The following CGB5 variants were observed in gnomAD, a reference collection of about 807,000 sequenced individuals.
The protein encoded by CGB5 is chorionic gonadotropin, beta polypeptide 5.
CGB5 carries 2 observed loss-of-function variants against 7.6 expected under a neutral mutation model. The observed-to-expected ratio is 0.26, with a 90% CI of 0.11 to 0.83. The LOEUF (loss-of-function observed/expected upper bound fraction) is 0.83, where lower values mean the gene tolerates loss of function less well. CGB5 is among the 40% of genes least tolerant of loss of function. The pLI is 0.65. For missense variants in CGB5, 48 were observed against 228.2 expected (o/e 0.21, Z 5.09); for synonymous variants, 25 against 99.8 (o/e 0.25, Z 4.47).
chr19:49,043,994 T>A lies in CGB5; in HGVS notation c.-216T>A, dbSNP rs1321699438. 3.3e-5 allele frequency: 40 copies of A among 1,229,586 alleles called. No individual in the cohort carries two copies. Among genetic ancestry groups the A allele is most frequent in the Non-Finnish European group, 4.2e-5 (38 of 900,374 alleles). The allele number at this position is 1,229,586 out of a possible 1,614,324, so 76.2% of individuals were successfully genotyped here. ...CTGAGTCTCTGAGATCACTTCACCG[T>A]GGTCTCCGCCTCACCCTTGGCGCTG... On this transcript the variant is annotated 5_prime_UTR_variant, in exon 1 of 3. Coordinates refer to ENST00000301408, the MANE Select transcript of CGB5 (RefSeq NM_033043.2).
chr19:49,044,159 C>T lies in CGB5; in HGVS notation c.-51C>T, dbSNP rs1054876301. Reference sequence around the variant, plus strand: ...AACCTCCTGGTGGCCTTGCCGCCCCCACAACCCCGAGGTATAAAGCCAGGT... The same window carrying T: ...AACCTCCTGGTGGCCTTGCCGCCCCTACAACCCCGAGGTATAAAGCCAGGT... On this transcript the variant is annotated 5_prime_UTR_variant, in exon 1 of 3. Coordinates refer to ENST00000301408, the MANE Select transcript of CGB5 (RefSeq NM_033043.2). The T allele has an allele frequency of 2.0e-5, 32 of 1,613,716 alleles. No homozygotes were observed. In the African/African-American group the frequency reaches 4.0e-4, roughly 20 times the overall value.
rs756297627 is a variant in CGB5, at chr19:49,044,231, C to T, written c.15+7C>T. The T allele has an allele frequency of 3.7e-6, 6 of 1,613,348 alleles. No homozygotes were observed. The Admixed American group carries it at 8.3e-5, about 22-fold the overall frequency. On this transcript the variant is annotated splice_region_variant and intron_variant, in intron 1 of 2. Transcript: ENST00000301408. Reference sequence around the variant, plus strand: ...AAGGATGGAGATGTTCCAGGTAAGACTGCAGGGCCCCTGGGCACCTTCCAC... The same window carrying T: ...AAGGATGGAGATGTTCCAGGTAAGATTGCAGGGCCCCTGGGCACCTTCCAC...
chr19:49,044,064 T>G lies in CGB5; in HGVS notation c.-146T>G. On this transcript the variant is annotated 5_prime_UTR_variant, in exon 1 of 3. Coordinates refer to ENST00000301408, the MANE Select transcript of CGB5 (RefSeq NM_033043.2). ...CTGGGGCGCTCCGCTGAGCCACTCC[T>G]GCGCCCCCCTGGCCTTGTCTACCTC... The G allele has an allele frequency of 7.3e-7, 1 of 1,372,492 alleles. No individual in the cohort carries two copies. The highest frequency in any genetic ancestry group is 1.0e-6 in the Non-Finnish European group (1 of 981,484). The allele number at this position is 1,372,492 out of a possible 1,614,324, so 85.0% of individuals were successfully genotyped here.
intron 1 of CGB5, 88 bp from the exon 2 acceptor site, chr19:49,044,489 C>G: frequency 1.4e-6 from 2 of 1,407,564 alleles, no homozygotes; most frequent in Non-Finnish European, 1.9e-6. Context: ...GTCTCTGGGT[C>G]TTTGTGGGTG....
In CGB5 at chr19:49,043,946, G is replaced by C. The variant is rs1477278261; in HGVS notation, c.-264G>C. The C allele has an allele frequency of 4.3e-6, 5 of 1,174,732 alleles. No homozygotes were observed. The East Asian group carries it at 8.0e-5, about 19-fold the overall frequency. 72.8% of individuals were successfully genotyped at this position (1,174,732 alleles called of 1,614,324 possible). A position where few individuals can be genotyped will look rare whatever the true frequency, so the allele number is the denominator to read the frequency against. On this transcript the variant is annotated 5_prime_UTR_variant, in exon 1 of 3. Coordinates refer to ENST00000301408, the MANE Select transcript of CGB5 (RefSeq NM_033043.2). The stretch of plus-strand genomic sequence containing the variant: ...CCCTACTCCCTGTGCCTCCAGGCTC[G>C]ACTAGTCCCTAGCACTCGACGACTG...
Position 49,044,858 on chromosome 19 carries a change from G to A in CGB5, c.183+114G>A, listed in dbSNP as rs952021780. ...GTCAGGGGCTGCGGAATGGGGTGTG[G>A]GAGGGCAGGAACAGAGGGCTTCCCG... On this transcript the variant is annotated intron_variant, in intron 2 of 2. Transcript: ENST00000301408. 31 of 1,458,702 alleles carry A rather than the reference G, an allele frequency of 2.1e-5. 1 individual carries two copies. The African/African-American group carries it at 4.6e-4, about 22-fold the overall frequency. The allele number at this position is 1,458,702 out of a possible 1,614,324, so 90.4% of individuals were successfully genotyped here. A position where few individuals can be genotyped will look rare whatever the true frequency, so the allele number is the denominator to read the frequency against.
chr19:49,044,955 A>T (rs201949109), intron 2 of CGB5, 25 bp from the exon 3 acceptor site: 19,969 of 1,592,340 alleles, frequency 0.013, 375 homozygotes, highest in South Asian at 0.016. Context: ...GCACATGCTC[A>T]TTCCCCCACT....
chr19:49,044,281 G>A (rs1174043370), intron 1 of CGB5, 57 bp downstream of exon 1: 3 of 1,612,180 alleles, frequency 1.9e-6, no homozygotes, highest in African/African-American at 1.3e-5. Flanking sequence ...TCACTGGCAT[G>A]AGAAGGGGCA....
chr19:49,044,471 C>T lies in CGB5; in HGVS notation c.16-106C>T, dbSNP rs1388620386. The T allele has an allele frequency of 1.1e-5, 16 of 1,410,144 alleles. 1 individual carries two copies. The highest frequency in any genetic ancestry group is 2.7e-5 in the Admixed American group (1 of 37,064). The allele number at this position is 1,410,144 out of a possible 1,614,324, so 87.4% of individuals were successfully genotyped here. A position where few individuals can be genotyped will look rare whatever the true frequency, so the allele number is the denominator to read the frequency against. Reference sequence around the variant, plus strand: ...GTGGTGGGTCCTGAATAGGAGATGCCGGGAAGGGTCTCTGGGTCTTTGTGG... The same window carrying T: ...GTGGTGGGTCCTGAATAGGAGATGCTGGGAAGGGTCTCTGGGTCTTTGTGG... On this transcript the variant is annotated intron_variant, in intron 1 of 2. Transcript: ENST00000301408.
Position 49,044,977 on chromosome 19 carries a change from C to T in CGB5, c.184-3C>T. The T allele has an allele frequency of 6.4e-7, 1 of 1,564,138 alleles. No individual in the cohort carries two copies. Among genetic ancestry groups the T allele is most frequent in the Non-Finnish European group, 8.6e-7 (1 of 1,164,244 alleles). On this transcript the variant is annotated splice_region_variant and splice_polypyrimidine_tract_variant and intron_variant, in intron 2 of 2. Coordinates refer to ENST00000301408, the MANE Select transcript of CGB5 (RefSeq NM_033043.2). Reference sequence around the variant, plus strand: ...CTCATTCCCCCACTCACACGGCTTCCAGACCCGCGTGCTGCAGGGGGTCCT... The same window carrying T: ...CTCATTCCCCCACTCACACGGCTTCTAGACCCGCGTGCTGCAGGGGGTCCT...
Position 49,044,006 on chromosome 19 carries a change from C to T in CGB5, c.-204C>T. ...GATCACTTCACCGTGGTCTCCGCCT[C>T]ACCCTTGGCGCTGGACCAGTGAGAG... On this transcript the variant is annotated 5_prime_UTR_variant, in exon 1 of 3. Coordinates refer to ENST00000301408, the MANE Select transcript of CGB5 (RefSeq NM_033043.2). The T allele has an allele frequency of 8.3e-7, 1 of 1,210,264 alleles. No homozygotes were observed. The allele number at this position is 1,210,264 out of a possible 1,614,324, so 75.0% of individuals were successfully genotyped here.
rs142628262 is a variant in CGB5 at position 49,044,208 on chromosome 19, G to T, written c.-2G>T. On this transcript the variant is annotated 5_prime_UTR_variant, in exon 1 of 3. The change creates a new upstream start codon in the 5' untranslated region. Coordinates refer to ENST00000301408, the MANE Select transcript of CGB5 (RefSeq NM_033043.2). ...GTACACGAGGCAGGGGACGCACCAA[G>T]GATGGAGATGTTCCAGGTAAGACTG... The T allele has an allele frequency of 1.2e-6, 2 of 1,613,398 alleles. No homozygotes were observed. Among genetic ancestry groups the T allele is most frequent in the African/African-American group, 2.7e-5 (2 of 74,588 alleles).
In CGB5 at chr19:49,044,084, T is replaced by G; in HGVS notation, c.-126T>G. The G allele has an allele frequency of 1.3e-6, 2 of 1,570,400 alleles. No individual in the cohort carries two copies. Among genetic ancestry groups the G allele is most frequent in the Non-Finnish European group, 1.7e-6 (2 of 1,144,432 alleles). On this transcript the variant is annotated 5_prime_UTR_variant, in exon 1 of 3. Transcript: ENST00000301408. ...ACTCCTGCGCCCCCCTGGCCTTGTC[T>G]ACCTCTTGCCCCCCGAAGGGTTAGT...
Position 49,044,627 on chromosome 19 carries a change from G to C in CGB5, c.66G>C (p.Lys22Asn), listed in dbSNP as rs930532647. 1 of 1,587,932 alleles carries C rather than the reference G, an allele frequency of 6.3e-7. No homozygotes were observed. Among genetic ancestry groups the C allele is most frequent in the African/African-American group, 1.4e-5 (1 of 70,914 alleles). The part of the protein sequence containing the change: ...LLSMGGTWAS[K>N]EPLRPRCRPI... ...GCATGGGCGGGACATGGGCATCCAA[G>C]GAGCCGCTTCGGCCACGGTGCCGCC... The change falls in exon 2 of 3, where the codon AAG becomes AAC. Residue 22 changes from lysine (K) to asparagine (N), a missense_variant. Coordinates refer to ENST00000301408, the MANE Select transcript of CGB5 (RefSeq NM_033043.2).
At chr19:49,044,390 T>G (rs1319699383) in intron 1 of CGB5, 166 bp downstream of exon 1, 1 of 982,460 alleles carries the variant, frequency 1.0e-6, no homozygotes, top group South Asian at 4.7e-5. Context: ...TCTGAAATTT[T>G]GGGGCATCTC....
At chr19:49,044,887 C>G (rs2039921840) in intron 2 of CGB5, 93 bp from the exon 3 acceptor site, 1 of 1,578,034 alleles carries the variant, frequency 6.3e-7, no homozygotes, top group Non-Finnish European at 8.5e-7. Flanking sequence ...CTTCCCGGAC[C>G]CCTGAGTCTG....
intron 2 of CGB5, 32 bp from the exon 3 acceptor site, chr19:49,044,948 C>T: frequency 1.3e-6 from 2 of 1,592,638 alleles, no homozygotes; most frequent in Non-Finnish European, 1.7e-6. Context: ...GCCCCAGGCA[C>T]ATGCTCATTC....
chr19:49,044,882 C>G (rs879720190), intron 2 of CGB5, 98 bp from the exon 3 acceptor site: 2 of 1,525,734 alleles, frequency 1.3e-6, no homozygotes, highest in Non-Finnish European at 8.9e-7. Context: ...GAGGGCTTCC[C>G]GGACCCCTGA....
intron 2 of CGB5, 68 bp from the exon 3 acceptor site, chr19:49,044,912 A>G (rs1165993300): frequency 1.3e-6 from 2 of 1,591,110 alleles, no homozygotes; most frequent in Non-Finnish European, 1.7e-6. Context: ...CTGTGGGGGC[A>G]ACTGGGGAGC....
Sources: allele counts gnomAD v4.1 joint callset, GRCh38; gene constraint gnomAD v4.1.1; transcripts MANE v1.5; gene names NCBI Gene and HGNC (gene_info 2026-07-23, HGNC 2026-07-21).